Variants in ELMOD1 observed in about 807,000 individuals in gnomAD.
ELMOD1 encodes the protein ELMO domain containing 1, also known as ELMO domain-containing protein 1.
ELMOD1 carries 21 observed loss-of-function variants against 46.7 expected under a neutral mutation model. The observed-to-expected ratio is 0.45, with a 90% confidence interval of 0.32 to 0.65. The LOEUF (loss-of-function observed/expected upper bound fraction) is 0.65, where lower values mean the gene tolerates loss of function less well. Ranked by LOEUF, ELMOD1 falls within the 30% of genes least tolerant of loss-of-function variation. ELMOD1 has a pLI of 0.04. For synonymous variants in ELMOD1, 122 were observed against 138.2 expected, an observed-to-expected ratio of 0.88 and a Z score of 0.82; for missense variants, 348 against 407.8, an observed-to-expected ratio of 0.85 and a Z score of 1.26.
intron 11 of ELMOD1, among the ~76,000 whole-genome samples, chr11:107,658,400 A>G (rs1231028684): frequency 2.0e-5 from 3 of 152,224 alleles, no homozygotes; most frequent in Admixed American, 1.3e-4. Flanking sequence ...ACATTATCAC[A>G]GCTCCTGCTT....
At chr11:107,646,941 C>CT (rs1866436910) in intron 6 of ELMOD1, among the ~76,000 whole-genome samples, 2 of 134,650 alleles carry the variant, frequency 1.5e-5, no homozygotes, top group African/African-American at 2.8e-5. Context: ...GATTATCTAT[C>CT]TAATCTATCT....
At chr11:107,646,381 A>T (rs532346647) in intron 6 of ELMOD1, among the ~76,000 whole-genome samples, 13 of 152,338 alleles carry the variant, frequency 8.5e-5, no homozygotes, top group African/African-American at 3.1e-4. Context: ...CATTACTGAT[A>T]TTCCTTCCTC....
chr11:107,630,880 T>C (rs1233048064), intron 4 of ELMOD1, among the ~76,000 whole-genome samples, 152 bp downstream of exon 4: 1 of 152,154 alleles, frequency 6.6e-6, no homozygotes, highest in Non-Finnish European at 1.5e-5. Context: ...TACAAACCAC[T>C]GTACTATTTA....
intron 6 of ELMOD1, among the ~76,000 whole-genome samples, chr11:107,636,625 G>C (rs4754239): frequency 6.6e-6 from 1 of 152,000 alleles, no homozygotes; most frequent in Admixed American, 6.6e-5. Context: ...AACAGAAGGC[G>C]TAATTTCAAA....
At position 107,601,151 on chromosome 11, in the gene ELMOD1, C is replaced by T. The variant is rs948012684; in HGVS notation, c.-86+9742C>T. Among the ~76,000 whole-genome samples the T allele has an allele frequency of 9.2e-5, 14 of 152,074 alleles. No individual in the cohort carries two copies. The East Asian group carries it at 2.3e-3, about 25-fold the overall frequency. ...TTAATTCTTTTAACTGTTTATACTG[C>T]TGTTTCTTAGTATATTAAAAGTATC... On this transcript the variant is annotated intron_variant, in intron 1 of 11. Transcript: ENST00000265840.
chr11:107,592,225 T>G (rs976018138), intron 1 of ELMOD1: 7 of 394,866 alleles, frequency 1.8e-5, no homozygotes, highest in Non-Finnish European at 3.1e-5. Flanking sequence ...CGGGCTCACT[T>G]GCTTCAGATC....
intron 1 of ELMOD1, among the ~76,000 whole-genome samples, chr11:107,607,788 CATTATT>C (rs1302125269): frequency 6.6e-6 from 1 of 152,128 alleles, no homozygotes; most frequent in African/African-American, 2.4e-5. Flanking sequence ...AAACTACAAA[CATTATT>C]ATTTATGAGT....
At chr11:107,615,260 G>A (rs10890745) in intron 1 of ELMOD1, among the ~76,000 whole-genome samples, 64,978 of 117,636 alleles carry the variant, frequency 0.55, 17,841 homozygotes, top group East Asian at 0.8. Flanking sequence ...TTTTTGAGAC[G>A]TAGTCTCACT....
chr11:107,602,793 T>C lies in ELMOD1; in HGVS notation c.-86+11384T>C, dbSNP rs377171110. 5.9e-5 allele frequency among the ~76,000 whole-genome samples: 9 copies of C among 152,172 alleles called. No individual in the cohort carries two copies. The East Asian group carries it at 1.5e-3, about 26-fold the overall frequency. ...TCATGTCAGAAACGTCCCTTAGTTGTCTGATAACCCTTGGCTATCTGCTCA... is the reference window on the plus strand; with the variant it reads ...TCATGTCAGAAACGTCCCTTAGTTGCCTGATAACCCTTGGCTATCTGCTCA... On this transcript the variant is annotated intron_variant, in intron 1 of 11. Coordinates refer to ENST00000265840, the MANE Select transcript of ELMOD1 (RefSeq NM_018712.4).
At chr11:107,640,636 A>G (rs1866304840) in intron 6 of ELMOD1, among the ~76,000 whole-genome samples, 1 of 152,196 alleles carries the variant, frequency 6.6e-6, no homozygotes, top group African/African-American at 2.4e-5. Flanking sequence ...TTTCAAAATA[A>G]CCTTTTTAAT....
intron 1 of ELMOD1, among the ~76,000 whole-genome samples, chr11:107,614,676 A>G (rs1865831766): frequency 6.6e-6 from 1 of 152,154 alleles, no homozygotes; most frequent in Non-Finnish European, 1.5e-5. Context: ...ATCATGTCAC[A>G]TCTCAGCTGG....
intron 1 of ELMOD1, chr11:107,592,954 A>G (rs990717818): frequency 6.5e-6 from 1 of 152,772 alleles, no homozygotes; most frequent in African/African-American, 2.4e-5. Flanking sequence ...GTAAAGACCT[A>G]TAAGGAATTC....
chr11:107,606,953 T>G (rs545453320), intron 1 of ELMOD1, among the ~76,000 whole-genome samples: 4 of 152,226 alleles, frequency 2.6e-5, no homozygotes, highest in Non-Finnish European at 4.4e-5. Flanking sequence ...ATAGATATGT[T>G]AATTAGCTTG....
At chr11:107,642,279 G>A (rs1304715702) in intron 6 of ELMOD1, among the ~76,000 whole-genome samples, 1 of 151,942 alleles carries the variant, frequency 6.6e-6, no homozygotes, top group East Asian at 1.9e-4. Flanking sequence ...TGTCTGATGA[G>A]GATTATAATC....
At chr11:107,652,570 A>G (rs1644103668) in intron 9 of ELMOD1, among the ~76,000 whole-genome samples, 1 of 152,220 alleles carries the variant, frequency 6.6e-6, no homozygotes, top group Non-Finnish European at 1.5e-5. Flanking sequence ...TTATAAAGCT[A>G]TGCTGAAGAG....
chr11:107,608,964 A>T (rs1026855060), intron 1 of ELMOD1, among the ~76,000 whole-genome samples: 2 of 152,184 alleles, frequency 1.3e-5, no homozygotes, highest in African/African-American at 4.8e-5. Context: ...CAGGAAAGTG[A>T]TTAATAGCAC....
chr11:107,638,562 T>C (rs953572924), intron 6 of ELMOD1, among the ~76,000 whole-genome samples: 1 of 152,196 alleles, frequency 6.6e-6, no homozygotes, highest in Non-Finnish European at 1.5e-5. Flanking sequence ...GGCTGACCCA[T>C]GGTTTGTGTT....
At chr11:107,599,738 C>G (rs1865558446) in intron 1 of ELMOD1, among the ~76,000 whole-genome samples, 1 of 22,932 alleles carries the variant, frequency 4.4e-5, no homozygotes, top group South Asian at 1.2e-3. Flanking sequence ...CGAGACCTGT[C>G]TCAAAAAAAA....
chr11:107,615,667 A>G (rs1273129331), intron 1 of ELMOD1, among the ~76,000 whole-genome samples: 2 of 152,040 alleles, frequency 1.3e-5, no homozygotes, highest in African/African-American at 4.8e-5. Flanking sequence ...TTTCTATTCC[A>G]GGATCCAATC....
Sources: gnomAD v4.1 joint callset for allele counts (sites outside exome capture counted in the v4.1 genomes callset) on GRCh38, gnomAD v4.1.1 for gene constraint, MANE v1.5 for transcripts, NCBI Gene and HGNC (gene_info 2026-07-23, HGNC 2026-07-21) for gene names.